CADM1: variants seen among roughly 807,000 people sequenced by gnomAD.
CADM1 encodes the protein cell adhesion molecule 1, also known as TSLC-1.
Under a neutral mutation model 53.1 loss-of-function variants are expected in CADM1, and 15 were observed. The observed-to-expected ratio is 0.28, with a 90% confidence interval of 0.19 to 0.44. The LOEUF (loss-of-function observed/expected upper bound fraction) is 0.44. Among genes scored for constraint, CADM1 ranks in the 20% least tolerant of loss-of-function variants. CADM1 has a pLI of 1.00. For missense variants in CADM1, 434 were observed against 611.3 expected, an observed-to-expected ratio of 0.71 and a Z score of 3.06; for synonymous variants, 281 against 243.0, an observed-to-expected ratio of 1.16 and a Z score of -1.45.
intron 8 of CADM1, among the ~76,000 whole-genome samples, chr11:115,206,758 C>CTTTTTTTGTTTTTTTTTTTTTTT (rs1940707652): frequency 2.6e-5 from 1 of 38,204 alleles, no homozygotes; most frequent in African/African-American, 9.7e-5. Flanking sequence ...CTGTGGACTT[C>CTTTTTTTGTTTTTTTTTTTTTTT]TTTTTTTTTT....
intron 2 of CADM1, among the ~76,000 whole-genome samples, chr11:115,239,789 A>G (rs1262893452): frequency 2.6e-5 from 4 of 151,594 alleles, no homozygotes; most frequent in African/African-American, 9.7e-5. Flanking sequence ...TCTATTCTAT[A>G]CAAGTCCATT....
rs983554177 is a variant in CADM1, at chr11:115,209,662, A to G, written c.995-5T>C. 6.2e-7 allele frequency: 1 copy of G among 1,612,394 alleles called. No homozygotes were observed. ...GAGGGATAGTTGTGGGGGGATCTGG[A>G]TAGAAAAAAAAAGGAAAATCAAACC... is the stretch of plus-strand genomic sequence containing the variant. On this transcript the variant is annotated splice_region_variant and splice_polypyrimidine_tract_variant and intron_variant, in intron 7 of 11. Coordinates refer to ENST00000331581, the MANE Select transcript of CADM1 (RefSeq NM_001301043.2).
At chr11:115,229,406 G>A in intron 4 of CADM1, 135 bp from the exon 5 acceptor site, 1 of 794,580 alleles carries the variant, frequency 1.3e-6, no homozygotes, top group East Asian at 2.6e-5. Context: ...TGGGATGAGA[G>A]TAACCTGTGG....
chr11:115,415,823 CAAAAAAAAAA>C (rs71066426), intron 1 of CADM1, among the ~76,000 whole-genome samples: 8 of 43,660 alleles, frequency 1.8e-4, no homozygotes, highest in African/African-American at 7.5e-4. Context: ...AGACTGTCTC[CAAAAAAAAAA>C]AAAAAAAAAA....
chr11:115,399,199 C>A (rs1323370599), intron 1 of CADM1: 1 of 152,198 alleles, frequency 6.6e-6, no homozygotes, highest in Non-Finnish European at 1.5e-5. Flanking sequence ...AACCCAAGTT[C>A]TTTCTGTTGT....
chr11:115,191,184 G>A (rs931928253), intron 9 of CADM1: 2 of 473,576 alleles, frequency 4.2e-6, no homozygotes, highest in Non-Finnish European at 7.6e-6. Flanking sequence ...AAACATGAAG[G>A]TGAATGCTTA....
At chr11:115,277,541 G>A (rs763935727) in intron 1 of CADM1, among the ~76,000 whole-genome samples, 17 of 152,090 alleles carry the variant, frequency 1.1e-4, no homozygotes, top group South Asian at 2.1e-4. Context: ...TACTAGGGTC[G>A]AGTAATTGTG....
At chr11:115,302,800 TGCACTGGGTCA>T (rs1370001119) in intron 1 of CADM1, among the ~76,000 whole-genome samples, 1 of 151,956 alleles carries the variant, frequency 6.6e-6, no homozygotes, top group Non-Finnish European at 1.5e-5. Context: ...CAAAGGGTGA[TGCACTGGGTCA>T]CCATTGGTGA....
intron 1 of CADM1, among the ~76,000 whole-genome samples, chr11:115,503,807 G>A (rs1949789028): frequency 6.6e-6 from 1 of 152,126 alleles, no homozygotes; most frequent in South Asian, 2.1e-4. Flanking sequence ...TCAGCCACCA[G>A]GAGGCTTCGG....
intron 1 of CADM1, among the ~76,000 whole-genome samples, chr11:115,322,851 T>A (rs1565364634): frequency 6.6e-6 from 1 of 152,170 alleles, no homozygotes; most frequent in African/African-American, 2.4e-5. Context: ...TTATGAATCA[T>A]CCCTGCTTAA....
chr11:115,344,345 T>C (rs1394848122), intron 1 of CADM1, among the ~76,000 whole-genome samples: 1 of 152,212 alleles, frequency 6.6e-6, no homozygotes, highest in Non-Finnish European at 1.5e-5. Flanking sequence ...ATTTCTCCTT[T>C]AACTATCATT....
chr11:115,435,660 G>C (rs1948167953), intron 1 of CADM1, among the ~76,000 whole-genome samples: 1 of 152,224 alleles, frequency 6.6e-6, no homozygotes, highest in African/African-American at 2.4e-5. Flanking sequence ...TTGAACCTGG[G>C]AGGTGGAGGT....
At chr11:115,310,170 A>G (rs1944493911) in intron 1 of CADM1, among the ~76,000 whole-genome samples, 1 of 152,178 alleles carries the variant, frequency 6.6e-6, no homozygotes. Flanking sequence ...ATTCATAAGT[A>G]AAAGGTCAAG....
intron 1 of CADM1, among the ~76,000 whole-genome samples, chr11:115,442,203 G>A (rs981369065): frequency 6.6e-6 from 1 of 151,444 alleles, no homozygotes; most frequent in Non-Finnish European, 1.5e-5. Flanking sequence ...GGGAAGCAAG[G>A]CAAGGGACCA....
chr11:115,358,732 ATCTAG>A (rs1241064018), intron 1 of CADM1, among the ~76,000 whole-genome samples: 2 of 152,196 alleles, frequency 1.3e-5, no homozygotes, highest in Non-Finnish European at 2.9e-5. Flanking sequence ...AGATCACCTA[ATCTAG>A]TCTACTGTAC....
At chr11:115,234,862 C>T (rs1220208698) in intron 3 of CADM1, among the ~76,000 whole-genome samples, 1 of 136,140 alleles carries the variant, frequency 7.3e-6, no homozygotes, top group Non-Finnish European at 1.5e-5. Flanking sequence ...CATTGCACTC[C>T]AGCCTGGGCG....
chr11:115,245,289 C>T (rs1265904340), intron 1 of CADM1, among the ~76,000 whole-genome samples: 2 of 151,990 alleles, frequency 1.3e-5, no homozygotes, highest in Non-Finnish European at 2.9e-5. Context: ...CAAACCAAAA[C>T]TATTGATTGT....
intron 1 of CADM1, among the ~76,000 whole-genome samples, chr11:115,305,470 C>T (rs1011202458): frequency 2.6e-5 from 4 of 151,724 alleles, no homozygotes; most frequent in African/African-American, 7.3e-5. Flanking sequence ...CTTTTTTGTC[C>T]TTTTGGTCTC....
At chr11:115,432,502 GCCTACAGCCTGGCTGTAGACT>G (rs1163518118) in intron 1 of CADM1, among the ~76,000 whole-genome samples, 3 of 152,166 alleles carry the variant, frequency 2.0e-5, no homozygotes, top group African/African-American at 7.2e-5. Flanking sequence ...TCAGCATCTA[GCCTACAGCCTGGCTGTAGACT>G]GCTGATCAAT....
Sources: gnomAD v4.1 joint callset for allele counts (sites outside exome capture counted in the v4.1 genomes callset) on GRCh38, gnomAD v4.1.1 for gene constraint, MANE v1.5 for transcripts, NCBI Gene and HGNC (gene_info 2026-07-23, HGNC 2026-07-21) for gene names.